The following RARB variants were observed in gnomAD, a reference collection of about 807,000 sequenced individuals.
RARB encodes the protein retinoic acid receptor beta, also known as HBV-activated protein.
Under a neutral mutation model 51.9 loss-of-function variants are expected in RARB, and 17 were observed. The observed-to-expected ratio is 0.33, with a 90% CI of 0.22 to 0.49. RARB has a LOEUF of 0.49. RARB is among the 20% of genes least tolerant of loss of function. The pLI, the probability that RARB is intolerant of heterozygous loss-of-function variation, is 0.99. For missense variants in RARB, 369 were observed against 550.8 expected (o/e 0.67, Z 3.30); for synonymous variants, 215 against 195.4 (o/e 1.10, Z -0.84).
intron 2 of RARB, among the ~76,000 whole-genome samples, chr3:25,043,061 G>A (rs142123183): frequency 6.6e-6 from 1 of 152,318 alleles, no homozygotes; most frequent in Non-Finnish European, 1.5e-5. Flanking sequence ...GTGAGGCAGG[G>A]GAGCGACCGT....
intron 2 of RARB, among the ~76,000 whole-genome samples, chr3:24,949,395 C>T (rs544822805): frequency 2.0e-5 from 3 of 152,220 alleles, no homozygotes; most frequent in South Asian, 4.2e-4. Flanking sequence ...ACCTTCAATT[C>T]GCCTACTAAG....
At chr3:25,480,341 C>T (rs1009960980) in intron 2 of RARB, among the ~76,000 whole-genome samples, 2 of 152,194 alleles carry the variant, frequency 1.3e-5, no homozygotes, top group Non-Finnish European at 2.9e-5. Context: ...ATCCTCATAA[C>T]AGCTCTATAA....
chr3:25,578,804 G>T (rs534673703), intron 4 of RARB, among the ~76,000 whole-genome samples: 3 of 152,354 alleles, frequency 2.0e-5, no homozygotes, highest in South Asian at 4.1e-4. Flanking sequence ...CCATGCAGAC[G>T]TTCAAAGCAA....
chr3:25,494,397 A>G (rs1696920218), intron 2 of RARB, among the ~76,000 whole-genome samples: 1 of 151,868 alleles, frequency 6.6e-6, no homozygotes. Context: ...TTCCAATTCT[A>G]CTTTTTCCAC....
intron 2 of RARB, among the ~76,000 whole-genome samples, chr3:24,866,717 A>G (rs556613967): frequency 2.0e-5 from 3 of 152,138 alleles, no homozygotes; most frequent in Non-Finnish European, 2.9e-5. Flanking sequence ...TAACTGCCCA[A>G]TGAGTTCTTC....
intron 2 of RARB, among the ~76,000 whole-genome samples, chr3:24,960,352 T>G (rs551005630): frequency 6.6e-6 from 1 of 152,236 alleles, no homozygotes; most frequent in Non-Finnish European, 1.5e-5. Flanking sequence ...TTTATAAATG[T>G]TGAGATGTGT....
At chr3:25,182,067 G>T (rs565387905) in intron 5 of RARB, among the ~76,000 whole-genome samples, 1 of 152,062 alleles carries the variant, frequency 6.6e-6, no homozygotes, top group East Asian at 1.9e-4. Context: ...AACTTCTTTG[G>T]AATTACATGT....
chr3:24,996,709 C>A (rs1697047935), intron 2 of RARB, among the ~76,000 whole-genome samples: 1 of 151,906 alleles, frequency 6.6e-6, no homozygotes, highest in African/African-American at 2.4e-5. Flanking sequence ...CTTCCTTTAT[C>A]CTTTGGTTGC....
chr3:24,899,566 G>T (rs1195532888), intron 2 of RARB, among the ~76,000 whole-genome samples: 4 of 152,120 alleles, frequency 2.6e-5, no homozygotes, highest in African/African-American at 9.7e-5. Flanking sequence ...AATTGATTAG[G>T]ACCCAGAGGA....
chr3:25,268,539 T>C (rs920899700), intron 5 of RARB, among the ~76,000 whole-genome samples: 2 of 152,220 alleles, frequency 1.3e-5, no homozygotes, highest in African/African-American at 2.4e-5. Context: ...ATTGTTATCA[T>C]GGAGAATTCA....
intron 2 of RARB, among the ~76,000 whole-genome samples, chr3:24,879,609 G>C (rs1194427689): frequency 6.6e-6 from 1 of 151,424 alleles, no homozygotes; most frequent in Non-Finnish European, 1.5e-5. Context: ...TTTCACTTGA[G>C]GCCAGGAGTT....
chr3:25,054,331 T>A (rs540049206), intron 2 of RARB, among the ~76,000 whole-genome samples: 36 of 152,108 alleles, frequency 2.4e-4, no homozygotes, highest in Admixed American at 2.3e-3. Context: ...AAATTGATTG[T>A]GTACTAGTTG....
chr3:25,134,131 A>C lies in RARB; in HGVS notation c.-280+1923A>C, dbSNP rs1488229719. 1.8e-4 allele frequency among the ~76,000 whole-genome samples: 28 copies of C among 151,978 alleles called. 1 individual carries two copies. The highest frequency in any genetic ancestry group is 1.8e-3 in the Admixed American group (27 of 15,198). ...TTTTGTTAACCGAATCTCTTTGGTT[A>C]CTGGAAATTTACTTATTAGCTTAGT... On this transcript the variant is annotated intron_variant, in intron 4 of 11. Coordinates refer to the RARB transcript ENST00000383772.
intron 2 of RARB, among the ~76,000 whole-genome samples, chr3:24,975,921 C>A (rs1559418380): frequency 6.6e-6 from 1 of 152,160 alleles, no homozygotes. Context: ...CCTGCCCTAG[C>A]CCTCCACCCA....
intron 5 of RARB, among the ~76,000 whole-genome samples, chr3:25,408,419 G>A (rs1173650495): frequency 6.6e-6 from 1 of 152,012 alleles, no homozygotes; most frequent in Non-Finnish European, 1.5e-5. Context: ...AAGTGCCACA[G>A]ACTTTTGAAC....
At chr3:24,909,201 T>C (rs1427885750) in intron 2 of RARB, among the ~76,000 whole-genome samples, 3 of 152,216 alleles carry the variant, frequency 2.0e-5, no homozygotes, top group Non-Finnish European at 4.4e-5. Context: ...GCAAATGTTA[T>C]ACTCTGTTCT....
At chr3:25,132,271 C>T (rs1019430641) in intron 4 of RARB, among the ~76,000 whole-genome samples, 7 of 151,770 alleles carry the variant, frequency 4.6e-5, no homozygotes, top group Admixed American at 2.6e-4. Context: ...TTAATAGCAG[C>T]AATTGCTATT....
intron 3 of RARB, among the ~76,000 whole-genome samples, chr3:25,095,753 G>GA (rs1347538083): frequency 6.6e-6 from 1 of 152,038 alleles, no homozygotes. Flanking sequence ...AAAGCAAAAG[G>GA]AAAAATGGGC....
At chr3:25,314,789 C>G (rs1704379942) in intron 5 of RARB, among the ~76,000 whole-genome samples, 1 of 152,084 alleles carries the variant, frequency 6.6e-6, no homozygotes, top group Non-Finnish European at 1.5e-5. Context: ...ATAATTGATC[C>G]TATCACCCAG....
Sources: allele counts gnomAD v4.1 joint callset (sites outside exome capture counted in the v4.1 genomes callset), GRCh38; gene constraint gnomAD v4.1.1; transcripts MANE v1.5; gene names NCBI Gene and HGNC (gene_info 2026-07-23, HGNC 2026-07-21).